Variants in SLC24A3 observed in about 807,000 individuals in gnomAD.
The protein encoded by SLC24A3 is solute carrier family 24 member 3, also known as sodium/potassium/calcium exchanger 3.
Under a neutral mutation model 75.8 loss-of-function variants are expected in SLC24A3, and 28 were observed. The observed-to-expected ratio is 0.37, with a 90% CI of 0.27 to 0.51. The LOEUF is 0.51. SLC24A3 is among the 20% of genes least tolerant of loss of function. The pLI, the probability that SLC24A3 is intolerant of heterozygous loss-of-function variation, is 0.94. For synonymous variants in SLC24A3, 372 were observed against 334.1 expected (o/e 1.11, Z -1.24); for missense variants, 663 against 847.8 (o/e 0.78, Z 2.71).
At chr20:19,428,543 C>T (rs948982904) in intron 2 of SLC24A3, among the ~76,000 whole-genome samples, 4 of 152,184 alleles carry the variant, frequency 2.6e-5, no homozygotes, top group African/African-American at 9.7e-5. Context: ...ATTATTTTCC[C>T]CAAAATGATA....
chr20:19,349,551 C>A (rs1985518384), intron 2 of SLC24A3, among the ~76,000 whole-genome samples: 1 of 152,160 alleles, frequency 6.6e-6, no homozygotes, highest in Admixed American at 6.5e-5. Flanking sequence ...GAGAAAAGTC[C>A]TTGACCAAGA....
chr20:19,259,299 CCAG>C (rs533025952), intron 1 of SLC24A3, among the ~76,000 whole-genome samples: 18 of 152,308 alleles, frequency 1.2e-4, no homozygotes, highest in African/African-American at 3.6e-4. Context: ...AGCAAAGGAC[CCAG>C]CATGCAGGAG....
intron 6 of SLC24A3, among the ~76,000 whole-genome samples, chr20:19,624,567 C>T (rs78546598): frequency 6.6e-6 from 1 of 152,102 alleles, no homozygotes; most frequent in South Asian, 2.1e-4. Context: ...GAAAAGTGAA[C>T]TATGCCAGGC....
rs547086809 is a variant in SLC24A3, at chr20:19,220,048, A to G, written c.142+7064A>G. Among the ~76,000 whole-genome samples, 96 of 152,322 alleles carry G rather than the reference A, an allele frequency of 6.3e-4. 1 individual carries two copies. Among genetic ancestry groups the G allele is most frequent in the African/African-American group, 2.1e-3 (86 of 41,580 alleles). ...ATATTTGAGACTTGGGTAGAAACTC[A>G]TCTTAGCTGGACCCATCCATGGACC... is the stretch of plus-strand genomic sequence containing the variant. On this transcript the variant is annotated intron_variant, in intron 1 of 16. Coordinates refer to ENST00000328041, the MANE Select transcript of SLC24A3 (RefSeq NM_020689.4).
intron 4 of SLC24A3, among the ~76,000 whole-genome samples, chr20:19,582,988 G>T (rs1287318616): frequency 6.6e-6 from 1 of 152,142 alleles, no homozygotes; most frequent in Non-Finnish European, 1.5e-5. Context: ...TGTGACAATA[G>T]GTCTGGAACA....
chr20:19,420,118 G>C lies in SLC24A3; in HGVS notation c.272-95370G>C, dbSNP rs200316393. 1.5e-4 allele frequency among the ~76,000 whole-genome samples: 7 copies of C among 46,902 alleles called. No individual in the cohort carries two copies. In the East Asian group the frequency reaches 4.1e-3, roughly 28 times the overall value. 30.8% of individuals were successfully genotyped at this position (46,902 alleles called of 152,430 possible). A position where few individuals can be genotyped will look rare whatever the true frequency, so the allele number is the denominator to read the frequency against. ...CTTGCGATAGTTTACTGAGAATGAT[G>C]GTTTCCAATTTCATCCATGTCCCTA... On this transcript the variant is annotated intron_variant, in intron 2 of 16. Transcript: ENST00000328041.
intron 3 of SLC24A3, among the ~76,000 whole-genome samples, chr20:19,531,370 A>G (rs1017555680): frequency 1.3e-5 from 2 of 152,186 alleles, no homozygotes; most frequent in African/African-American, 4.8e-5. Context: ...TAAAAGAAAC[A>G]TGGCATGTGG....
chr20:19,485,383 A>G lies in SLC24A3; in HGVS notation c.272-30105A>G, dbSNP rs143446668. On this transcript the variant is annotated intron_variant, in intron 2 of 16. Transcript: ENST00000328041. ...CCAAGATATGTTAAGTGAAAATTGC[A>G]GTATACATACCACTGTATGTAATTA... Among the ~76,000 whole-genome samples, 640 of 152,316 alleles carry G rather than the reference A, an allele frequency of 4.2e-3. 1 individual carries two copies. The highest frequency in any genetic ancestry group is 7.0e-3 in the Non-Finnish European group (475 of 68,022).
chr20:19,420,825 G>C (rs369773430), intron 2 of SLC24A3, among the ~76,000 whole-genome samples: 1 of 53,724 alleles, frequency 1.9e-5, no homozygotes, highest in Non-Finnish European at 3.3e-5. Flanking sequence ...AAAACAGCAT[G>C]GTACTGGTAC....
chr20:19,445,101 G>T (rs1206036369), intron 2 of SLC24A3, among the ~76,000 whole-genome samples: 1 of 152,090 alleles, frequency 6.6e-6, no homozygotes, highest in Non-Finnish European at 1.5e-5. Context: ...CCTTTTTCAT[G>T]ACCTTATATC....
chr20:19,711,312 C>A (rs2032988463), intron 15 of SLC24A3, among the ~76,000 whole-genome samples: 1 of 149,668 alleles, frequency 6.7e-6, no homozygotes, highest in East Asian at 2.0e-4. Flanking sequence ...TGCACACATA[C>A]AAACGCACAC....
chr20:19,614,974 C>T (rs2031718107), intron 6 of SLC24A3, among the ~76,000 whole-genome samples: 1 of 152,166 alleles, frequency 6.6e-6, no homozygotes, highest in Admixed American at 6.5e-5. Flanking sequence ...ATCATCCAAA[C>T]CATAATCTTT....
chr20:19,437,348 G>T (rs527953952), intron 2 of SLC24A3, among the ~76,000 whole-genome samples: 1 of 152,288 alleles, frequency 6.6e-6, no homozygotes, highest in Admixed American at 6.5e-5. Context: ...CCTGGCATTT[G>T]CCCTGCTGTC....
At chr20:19,321,045 G>A (rs990467983) in intron 2 of SLC24A3, among the ~76,000 whole-genome samples, 12 of 151,810 alleles carry the variant, frequency 7.9e-5, no homozygotes, top group Non-Finnish European at 4.4e-5. Context: ...CTGTATCCAC[G>A]GTGAATTTGG....
intron 2 of SLC24A3, among the ~76,000 whole-genome samples, chr20:19,513,365 A>G (rs1358732431): frequency 1.3e-5 from 2 of 152,196 alleles, no homozygotes; most frequent in Non-Finnish European, 2.9e-5. Flanking sequence ...TGGGTTCCTC[A>G]TCTACAGAAC....
intron 6 of SLC24A3, among the ~76,000 whole-genome samples, chr20:19,644,243 C>T (rs1299258149): frequency 1.3e-5 from 2 of 152,154 alleles, no homozygotes; most frequent in Non-Finnish European, 2.9e-5. Context: ...GGGCCGTGGA[C>T]CTCCTCCCCA....
intron 2 of SLC24A3, among the ~76,000 whole-genome samples, chr20:19,506,222 G>A (rs923068861): frequency 7.2e-5 from 11 of 152,184 alleles, no homozygotes; most frequent in Non-Finnish European, 1.5e-5. Flanking sequence ...CACCACATAA[G>A]CATTTGGCTG....
chr20:19,564,641 C>CGTAA (rs2030927282), intron 3 of SLC24A3, among the ~76,000 whole-genome samples: 5 of 152,294 alleles, frequency 3.3e-5, no homozygotes, highest in African/African-American at 1.2e-4. Context: ...CTAGAATGAA[C>CGTAA]TTTACCTGTT....
chr20:19,308,893 CG>C (rs1243825589), intron 2 of SLC24A3, among the ~76,000 whole-genome samples: 2 of 152,138 alleles, frequency 1.3e-5, no homozygotes, highest in Non-Finnish European at 1.5e-5. Flanking sequence ...TCTCTGCAAA[CG>C]CCAGGCCATT....
Sources: gnomAD v4.1 joint callset for allele counts (sites outside exome capture counted in the v4.1 genomes callset) on GRCh38, gnomAD v4.1.1 for gene constraint, MANE v1.5 for transcripts, NCBI Gene and HGNC (gene_info 2026-07-23, HGNC 2026-07-21) for gene names.